The following COL21A1 variants were observed in gnomAD, a reference collection of about 807,000 sequenced individuals.
COL21A1 encodes collagen type XXI alpha 1 chain, also known as collagen alpha-1(XXI) chain.
In COL21A1, 149 loss-of-function variants were observed where a neutral mutation model predicts 137.9. That is an observed-to-expected ratio of 1.08 (90% CI 0.95 to 1.24). The LOEUF is 1.24. COL21A1 is among the 50% of genes most tolerant of loss of function. The pLI, the probability that COL21A1 is intolerant of heterozygous loss-of-function variation, is 0.00. For missense variants in COL21A1, 1,167 were observed against 1,158.4 expected (o/e 1.01, Z -0.11); for synonymous variants, 456 against 391.5 (o/e 1.16, Z -1.95).
intron 16 of COL21A1, among the ~76,000 whole-genome samples, chr6:56,102,197 C>G (rs1392620653): frequency 1.3e-5 from 2 of 152,100 alleles, no homozygotes; most frequent in East Asian, 3.9e-4. Context: ...TCTGACACTT[C>G]TTCTACTAAA....
chr6:56,098,648 AATATATAAATATATATAAATAT>A (rs1770073049), intron 17 of COL21A1, among the ~76,000 whole-genome samples: 1 of 11,380 alleles, frequency 8.8e-5, no homozygotes, highest in Admixed American at 1.1e-3. Context: ...AATATATATA[AATATATAAATATATATAAATAT>A]ATATATAAAT....
chr6:56,346,484 C>T (rs1765600132), intron 1 of COL21A1, among the ~76,000 whole-genome samples: 1 of 152,148 alleles, frequency 6.6e-6, no homozygotes. Flanking sequence ...TGAAATAGTA[C>T]TGAGAAATTA....
chr6:56,361,457 C>G (rs1438752016), intron 1 of COL21A1, among the ~76,000 whole-genome samples: 1 of 152,134 alleles, frequency 6.6e-6, no homozygotes, highest in Non-Finnish European at 1.5e-5. Flanking sequence ...TGCTCAGTGA[C>G]AAAGGATTAT....
chr6:56,358,158 T>G (rs955497922), intron 1 of COL21A1, among the ~76,000 whole-genome samples: 4 of 152,144 alleles, frequency 2.6e-5, no homozygotes, highest in African/African-American at 9.7e-5. Flanking sequence ...ATGTGTCACT[T>G]TTGATACGGT....
chr6:56,177,568 C>T (rs1054410994), intron 3 of COL21A1, among the ~76,000 whole-genome samples: 9 of 151,720 alleles, frequency 5.9e-5, no homozygotes, highest in Non-Finnish European at 1.0e-4. Flanking sequence ...CTGAGGCGGG[C>T]GGATCATGAG....
intron 21 of COL21A1, among the ~76,000 whole-genome samples, chr6:56,069,373 TATG>T (rs1446699160): frequency 2.0e-5 from 3 of 151,512 alleles, no homozygotes; most frequent in African/African-American, 7.3e-5. Flanking sequence ...TTGTTATTTT[TATG>T]ATACTTTATA....
chr6:56,094,965 T>C (rs1769187515), intron 17 of COL21A1, among the ~76,000 whole-genome samples: 1 of 152,164 alleles, frequency 6.6e-6, no homozygotes, highest in Admixed American at 6.5e-5. Context: ...GACCTTTTTA[T>C]CCAAATAAAA....
chr6:56,237,525 C>A (rs1189614244), intron 1 of COL21A1, among the ~76,000 whole-genome samples: 1 of 152,082 alleles, frequency 6.6e-6, no homozygotes, highest in Non-Finnish European at 1.5e-5. Context: ...CGCTTAGGCT[C>A]TTTAGGCCAA....
intron 1 of COL21A1, among the ~76,000 whole-genome samples, chr6:56,235,921 A>G (rs1445203513): frequency 6.6e-6 from 1 of 152,052 alleles, no homozygotes; most frequent in Non-Finnish European, 1.5e-5. Flanking sequence ...TTTGGATTGT[A>G]GAATGCTCAT....
intron 1 of COL21A1, among the ~76,000 whole-genome samples, chr6:56,326,171 TTTAA>T (rs71803512): frequency 0.35 from 51,183 of 145,608 alleles, 9,744 homozygotes; most frequent in Non-Finnish European, 0.43. Flanking sequence ...ATATGTTGTC[TTTAA>T]TTATCAAAGT....
chr6:56,179,299 T>A (rs551308857), intron 3 of COL21A1, among the ~76,000 whole-genome samples: 1 of 152,222 alleles, frequency 6.6e-6, no homozygotes, highest in East Asian at 1.9e-4. Flanking sequence ...ATAGACATGT[T>A]ATAATTGAAA....
intron 1 of COL21A1, among the ~76,000 whole-genome samples, chr6:56,388,328 C>T (rs1375456523): frequency 6.6e-6 from 1 of 152,214 alleles, no homozygotes; most frequent in African/African-American, 2.4e-5. Flanking sequence ...AGGTGTAACC[C>T]AGCACAGTGC....
chr6:56,329,925 A>C (rs1050375360), intron 1 of COL21A1, among the ~76,000 whole-genome samples: 33 of 152,256 alleles, frequency 2.2e-4, no homozygotes, highest in African/African-American at 7.2e-4. Context: ...AGAACTTTTG[A>C]AGACTCTTAC....
Position 56,179,891 on chromosome 6 carries a change from G to A in COL21A1, c.327C>T (p.Tyr109=). ...TCCCTGTCTTTGTGTTTCCTCCTAAGTAGAGTATGGATTCCACTGCTGCCG... is the reference window on the plus strand; with the variant it reads ...TCCCTGTCTTTGTGTTTCCTCCTAAATAGAGTATGGATTCCACTGCTGCCG... ...HLTAAVESIL[Y]LGGNTKTGKA... is the part of the protein sequence containing the mutation. The change falls in exon 3 of 30, where the codon TAC becomes TAT. Residue 109 remains tyrosine, a synonymous_variant. Coordinates refer to ENST00000244728, the MANE Select transcript of COL21A1 (RefSeq NM_030820.4). The A allele has an allele frequency of 6.2e-7, 1 of 1,613,898 alleles. No individual in the cohort carries two copies. The highest frequency in any genetic ancestry group is 8.5e-7 in the Non-Finnish European group (1 of 1,179,858).
Position 56,075,524 on chromosome 6 carries a change from A to G in COL21A1, c.1866T>C (p.Ile622=). The change falls in exon 19 of 30, where the codon ATT becomes ATC. Residue 622 remains isoleucine, a synonymous_variant. Transcript: ENST00000244728. ...TTTTTCCTTGCTGTCCTGGAGGCCC[A>G]ATTTCTCCCTAAAAAAATCAAACAT... ...NRGLMGQKGE[I]GPPGQQGKKG... is the part of the protein sequence containing the mutation. 6.6e-7 allele frequency: 1 copy of G among 1,520,360 alleles called. No individual in the cohort carries two copies. The highest frequency in any genetic ancestry group is 8.8e-7 in the Non-Finnish European group (1 of 1,135,514). The allele number at this position is 1,520,360 out of a possible 1,614,324, so 94.2% of individuals were successfully genotyped here.
Position 56,367,236 on chromosome 6 carries a change from T to C in COL21A1, c.-39+26735A>G, listed in dbSNP as rs192680418. Among the ~76,000 whole-genome samples, 8 of 152,366 alleles carry C rather than the reference T, an allele frequency of 5.3e-5. No homozygotes were observed. The East Asian group carries it at 1.5e-3, about 29-fold the overall frequency. The stretch of plus-strand genomic sequence containing the variant: ...CAAATGCTGATTGTTGTTTACACAA[T>C]AGCCTCTCCCTTCCTCCTGGCTGGT... On this transcript the variant is annotated intron_variant, in intron 1 of 28. Coordinates refer to the COL21A1 transcript ENST00000370819.
At chr6:56,197,870 T>C (rs527643057) in intron 1 of COL21A1, among the ~76,000 whole-genome samples, 1 of 152,110 alleles carries the variant, frequency 6.6e-6, no homozygotes, top group Admixed American at 6.5e-5. Context: ...CCAAAGGAAA[T>C]AAAATCACTA....
At chr6:56,384,632 C>A (rs940069343) in intron 1 of COL21A1, among the ~76,000 whole-genome samples, 2 of 152,124 alleles carry the variant, frequency 1.3e-5, no homozygotes, top group Non-Finnish European at 2.9e-5. Context: ...AGTATTCTGG[C>A]CCACAAACAA....
intron 1 of COL21A1, among the ~76,000 whole-genome samples, chr6:56,296,506 C>G (rs2152336446): frequency 6.6e-6 from 1 of 151,824 alleles, no homozygotes; most frequent in Non-Finnish European, 1.5e-5. Flanking sequence ...TATTACGTTC[C>G]CTCTCATTTT....
Sources: allele counts gnomAD v4.1 joint callset (sites outside exome capture counted in the v4.1 genomes callset), GRCh38; gene constraint gnomAD v4.1.1; transcripts MANE v1.5; gene names NCBI Gene and HGNC (gene_info 2026-07-23, HGNC 2026-07-21).